The following STK3 variants were observed in gnomAD, a reference collection of about 807,000 sequenced individuals.
STK3 encodes the protein serine/threonine-protein kinase 3.
STK3 carries 41 observed loss-of-function variants against 58.0 expected under a neutral mutation model. The observed-to-expected ratio is 0.71, with a 90% CI of 0.55 to 0.92. The LOEUF is 0.92. STK3 is among the 40% of genes least tolerant of loss of function. The probability of loss-of-function intolerance (pLI) is 0.00; values close to 1 mark genes in which losing one functional copy is unlikely to be tolerated. For missense variants in STK3, 479 were observed against 602.7 expected, an observed-to-expected ratio of 0.79 and a Z score of 2.15; for synonymous variants, 170 against 191.0, an observed-to-expected ratio of 0.89 and a Z score of 0.91.
chr8:98,581,736 T>C (rs1437889405), intron 7 of STK3, among the ~76,000 whole-genome samples: 1 of 151,786 alleles, frequency 6.6e-6, no homozygotes, highest in Non-Finnish European at 1.5e-5. Flanking sequence ...CAGTGTGGGA[T>C]AAATGAGGGA....
chr8:98,915,674 C>T (rs1039123152), intron 1 of STK3, among the ~76,000 whole-genome samples: 2 of 150,984 alleles, frequency 1.3e-5, no homozygotes, highest in Non-Finnish European at 2.9e-5. Flanking sequence ...TTTGTGTGTG[C>T]GTGTGATTTT....
chr8:98,682,889 C>A (rs183373452), intron 6 of STK3, among the ~76,000 whole-genome samples: 20 of 152,162 alleles, frequency 1.3e-4, no homozygotes, highest in African/African-American at 4.6e-4. Context: ...CTATGCACAC[C>A]TAGCTATTTA....
intron 6 of STK3, among the ~76,000 whole-genome samples, chr8:98,633,187 A>G (rs905524111): frequency 6.6e-6 from 1 of 152,156 alleles, no homozygotes; most frequent in Non-Finnish European, 1.5e-5. Flanking sequence ...ATGGGAGAAA[A>G]TGCAGGCATA....
chr8:98,915,458 A>ATATATATATATATATATT (rs1839312870), intron 1 of STK3, among the ~76,000 whole-genome samples: 1 of 92,980 alleles, frequency 1.1e-5, no homozygotes, highest in African/African-American at 3.0e-5. Flanking sequence ...ATATATATAT[A>ATATATATATATATATATT]TATATATATA....
At chr8:98,367,467 A>G (rs555689973), downstream of STK3, among the ~76,000 whole-genome samples, 15 of 152,294 alleles carry the variant, frequency 9.8e-5, no homozygotes, top group African/African-American at 3.6e-4. Flanking sequence ...AGGATAGGAA[A>G]CCCTTAGAAA....
intron 8 of STK3, among the ~76,000 whole-genome samples, chr8:98,569,065 AG>A (rs1436025379): frequency 6.6e-6 from 1 of 152,216 alleles, no homozygotes; most frequent in Admixed American, 6.5e-5. Flanking sequence ...AAACATTCAA[AG>A]AATCAGGTAT....
intron 7 of STK3, among the ~76,000 whole-genome samples, chr8:98,583,911 T>C (rs1814181608): frequency 6.6e-6 from 1 of 151,522 alleles, no homozygotes; most frequent in Non-Finnish European, 1.5e-5. Flanking sequence ...AGAAGGTAAC[T>C]TAGAGATTAA....
At chr8:98,552,772 C>A (rs1055869586) in intron 8 of STK3, among the ~76,000 whole-genome samples, 1 of 152,082 alleles carries the variant, frequency 6.6e-6, no homozygotes, top group African/African-American at 2.4e-5. Context: ...ACCTCTGAAT[C>A]CTCATTATTA....
chr8:98,380,365 G>T (rs1427259505), intron 1 of STK3, among the ~76,000 whole-genome samples: 1 of 152,004 alleles, frequency 6.6e-6, no homozygotes, highest in Non-Finnish European at 1.5e-5. Context: ...TTATTACCCA[G>T]AGATAACCAC....
At chr8:98,763,329 A>G (rs1830746463) in intron 3 of STK3, among the ~76,000 whole-genome samples, 1 of 152,210 alleles carries the variant, frequency 6.6e-6, no homozygotes, top group Non-Finnish European at 1.5e-5. Context: ...TCCCTGAGAT[A>G]TTTATGCTAA....
At chr8:98,934,657 T>G (rs1263162904) in intron 1 of STK3, among the ~76,000 whole-genome samples, 1 of 152,236 alleles carries the variant, frequency 6.6e-6, no homozygotes, top group African/African-American at 2.4e-5. Context: ...GACTCATACC[T>G]GTAATCCCAG....
intron 1 of STK3, among the ~76,000 whole-genome samples, chr8:98,939,647 A>C (rs1174611822): frequency 6.6e-6 from 1 of 152,248 alleles, no homozygotes; most frequent in Non-Finnish European, 1.5e-5. Flanking sequence ...AGGTCATCGG[A>C]AATCAAGATT....
At chr8:98,648,256 A>G (rs547355838) in intron 6 of STK3, among the ~76,000 whole-genome samples, 1 of 152,172 alleles carries the variant, frequency 6.6e-6, no homozygotes, top group African/African-American at 2.4e-5. Context: ...ATCTCATAGC[A>G]AACAGTGGAA....
At chr8:98,344,848 C>G in the STK3 span, among the ~76,000 whole-genome samples, 14 of 144,380 alleles carry the variant, frequency 9.7e-5, no homozygotes, top group African/African-American at 3.6e-4. Flanking sequence ...AGCCGAGATC[C>G]CGCCACTGCA....
chr8:98,710,903 T>C (rs1267751536), intron 4 of STK3, among the ~76,000 whole-genome samples: 1 of 152,216 alleles, frequency 6.6e-6, no homozygotes, highest in Non-Finnish European at 1.5e-5. Flanking sequence ...AGGGGCAGAC[T>C]GACACCTCAC....
At chr8:98,868,381 G>A (rs893192150) in intron 3 of STK3, among the ~76,000 whole-genome samples, 3 of 152,128 alleles carry the variant, frequency 2.0e-5, no homozygotes, top group Non-Finnish European at 4.4e-5. Flanking sequence ...CCCCTGGATA[G>A]CAACACTCAG....
At chr8:98,824,751 G>A (rs1237629791) in intron 1 of STK3, among the ~76,000 whole-genome samples, 1 of 152,178 alleles carries the variant, frequency 6.6e-6, no homozygotes, top group Admixed American at 6.5e-5. Context: ...ATCTCTAGCT[G>A]TCAAAGCATA....
chr8:98,904,840 G>C (rs1211560864), intron 1 of STK3: 1 of 666,878 alleles, frequency 1.5e-6, no homozygotes, highest in Non-Finnish European at 2.9e-6. Context: ...CTTGGCAATA[G>C]GTATCTGTCT....
At chr8:98,643,020 TG>T (rs1015485576) in intron 6 of STK3, among the ~76,000 whole-genome samples, 1 of 152,132 alleles carries the variant, frequency 6.6e-6, no homozygotes, top group African/African-American at 2.4e-5. Context: ...CCCAGGAGTT[TG>T]GGACCAGCTT....
Sources: allele counts gnomAD v4.1 joint callset (sites outside exome capture counted in the v4.1 genomes callset), GRCh38; gene constraint gnomAD v4.1.1; transcripts MANE v1.5; gene names NCBI Gene and HGNC (gene_info 2026-07-23, HGNC 2026-07-21).